Variants in TTC27 observed in about 807,000 individuals in gnomAD.
The protein encoded by TTC27 is tetratricopeptide repeat protein 27.
In TTC27, 79 loss-of-function variants were observed where a neutral mutation model predicts 115.9. That is an observed-to-expected ratio of 0.68 (90% CI 0.57 to 0.82). The LOEUF (loss-of-function observed/expected upper bound fraction) is 0.82, where lower values mean the gene tolerates loss of function less well. Among genes scored for constraint, TTC27 ranks in the 40% least tolerant of loss-of-function variants. The pLI, the probability that TTC27 is intolerant of heterozygous loss-of-function variation, is 0.00. For missense variants in TTC27, 1,054 were observed against 993.1 expected (o/e 1.06, Z -0.82); for synonymous variants, 401 against 356.0 (o/e 1.13, Z -1.42).
intron 12 of TTC27, among the ~76,000 whole-genome samples, chr2:32,752,143 C>G (rs1669041112): frequency 6.6e-6 from 1 of 152,152 alleles, no homozygotes; most frequent in African/African-American, 2.4e-5. Flanking sequence ...TCTAACCACC[C>G]CCGTTAAAAT....
chr2:32,777,769 A>G (rs1670045023), intron 13 of TTC27, 113 bp from the exon 14 acceptor site: 1 of 905,846 alleles, frequency 1.1e-6, no homozygotes, highest in Non-Finnish European at 1.7e-6. Flanking sequence ...TTTATTATAT[A>G]GCTCTGCATT....
intron 9 of TTC27, among the ~76,000 whole-genome samples, chr2:32,684,811 A>G (rs927493453): frequency 6.6e-6 from 1 of 151,804 alleles, no homozygotes; most frequent in Non-Finnish European, 1.5e-5. Context: ...CACAGTATAG[A>G]GGAACAAGCA....
At chr2:32,737,975 C>T (rs1403555244) in intron 12 of TTC27, among the ~76,000 whole-genome samples, 2 of 152,048 alleles carry the variant, frequency 1.3e-5, no homozygotes, top group African/African-American at 4.8e-5. Context: ...GTGATCATGC[C>T]ACCGCACTGC....
chr2:32,630,506 A>G lies in TTC27; in HGVS notation c.89-17A>G, dbSNP rs367767923. 5.1e-6 allele frequency: 8 copies of G among 1,571,054 alleles called. No homozygotes were observed. The African/African-American group carries it at 1.1e-4, about 22-fold the overall frequency. ...ATAATTTTTTTTGGATTACCGCACTAATTTTTTATATTACAGAGAGTGGAT... is the reference window on the plus strand; with the variant it reads ...ATAATTTTTTTTGGATTACCGCACTGATTTTTTATATTACAGAGAGTGGAT... On this transcript the variant is annotated splice_polypyrimidine_tract_variant and intron_variant, in intron 1 of 19. Transcript: ENST00000317907.
intron 9 of TTC27, among the ~76,000 whole-genome samples, chr2:32,682,026 G>A (rs1038689612): frequency 7.5e-6 from 1 of 133,890 alleles, no homozygotes; most frequent in African/African-American, 2.9e-5. Flanking sequence ...GTGTGTGTGT[G>A]TATGTCTTTT....
intron 7 of TTC27, among the ~76,000 whole-genome samples, chr2:32,670,913 C>A (rs1207730042): frequency 6.6e-6 from 1 of 152,158 alleles, no homozygotes; most frequent in Non-Finnish European, 1.5e-5. Flanking sequence ...GCCACCATGC[C>A]TGGCCTCTCT....
intron 5 of TTC27, among the ~76,000 whole-genome samples, chr2:32,659,153 A>G (rs1038502764): frequency 3.3e-5 from 5 of 151,980 alleles, no homozygotes; most frequent in Non-Finnish European, 7.4e-5. Flanking sequence ...TTTTGTTGAG[A>G]TGAGTCCACT....
At chr2:32,748,494 T>C (rs1558322990) in intron 12 of TTC27, among the ~76,000 whole-genome samples, 1 of 152,238 alleles carries the variant, frequency 6.6e-6, no homozygotes, top group East Asian at 1.9e-4. Context: ...GTGTAGTTAT[T>C]CTGTCCATTT....
intron 13 of TTC27, among the ~76,000 whole-genome samples, chr2:32,765,305 C>G (rs1427731647): frequency 2.0e-5 from 3 of 151,478 alleles, no homozygotes; most frequent in Admixed American, 2.0e-4. Flanking sequence ...TTCATCAGAG[C>G]TCTTGTGTGA....
intron 10 of TTC27, among the ~76,000 whole-genome samples, chr2:32,722,035 G>A (rs945451578): frequency 1.3e-4 from 20 of 152,250 alleles, no homozygotes; most frequent in East Asian, 9.6e-4. Context: ...TTCAATAAAC[G>A]TTGACTCTTA....
chr2:32,777,989 G>C lies in TTC27; in HGVS notation c.1779+9G>C, dbSNP rs1670055046. On this transcript the variant is annotated intron_variant, in intron 14 of 19. Transcript: ENST00000317907. ...TGACTCTAGAACCCGATGTAAGTTT[G>C]TTTGATCTTCTGTCCTTACGTGGCT... 1 of 1,613,608 alleles carries C rather than the reference G, an allele frequency of 6.2e-7. No homozygotes were observed. The highest frequency in any genetic ancestry group is 1.7e-5 in the Admixed American group (1 of 59,992).
intron 4 of TTC27, among the ~76,000 whole-genome samples, chr2:32,649,163 T>G (rs778412104): frequency 2.0e-5 from 3 of 152,056 alleles, no homozygotes; most frequent in Non-Finnish European, 4.4e-5. Context: ...AAGATCAGTA[T>G]GTGCCACACT....
At chr2:32,662,899 C>G (rs530312743) in intron 5 of TTC27, among the ~76,000 whole-genome samples, 16 of 152,180 alleles carry the variant, frequency 1.1e-4, no homozygotes, top group Non-Finnish European at 2.1e-4. Flanking sequence ...TTCCTGCTTT[C>G]TCCTATGAGC....
intron 7 of TTC27, 91 bp downstream of exon 7, chr2:32,666,859 G>C: frequency 2.2e-6 from 3 of 1,394,282 alleles, no homozygotes; most frequent in Non-Finnish European, 2.9e-6. Flanking sequence ...AATGGGTTGG[G>C]GACAGACTTC....
At chr2:32,798,873 C>G (rs955268269) in intron 16 of TTC27, among the ~76,000 whole-genome samples, 3 of 152,132 alleles carry the variant, frequency 2.0e-5, no homozygotes, top group Non-Finnish European at 2.9e-5. Flanking sequence ...TGGTCCAGCA[C>G]TTTTACTTCT....
intron 6 of TTC27, among the ~76,000 whole-genome samples, chr2:32,665,591 C>T (rs942833789): frequency 2.6e-5 from 4 of 152,208 alleles, no homozygotes; most frequent in Admixed American, 2.0e-4. Context: ...TCATCTATAG[C>T]CTTCCTATAA....
chr2:32,652,311 C>T (rs1665153421), intron 5 of TTC27, among the ~76,000 whole-genome samples: 1 of 152,006 alleles, frequency 6.6e-6, no homozygotes, highest in African/African-American at 2.4e-5. Context: ...GCGGAGGTTG[C>T]AGTGAGCTGA....
In TTC27 at chr2:32,640,369, A is replaced by G. The variant is rs1335498755; in HGVS notation, c.496A>G (p.Ile166Val). Reference sequence around the variant, plus strand: ...GCCTATACTACTGTTATTAGCACGCATTATCCTAGTGAATGTAAGACATAA... The same window carrying G: ...GCCTATACTACTGTTATTAGCACGCGTTATCCTAGTGAATGTAAGACATAA... ...SKPILLLLARIILVNVRHKLT... is the reference protein window; with the variant it reads ...SKPILLLLARVILVNVRHKLT... The change falls in exon 4 of 20, where the codon ATT becomes GTT. Residue 166 changes from isoleucine to valine, a missense_variant. Coordinates refer to ENST00000317907, the MANE Select transcript of TTC27 (RefSeq NM_017735.5). 8.1e-6 allele frequency: 13 copies of G among 1,613,912 alleles called. No individual in the cohort carries two copies. Among genetic ancestry groups the G allele is most frequent in the Admixed American group, 1.7e-5 (1 of 59,990 alleles).
intron 10 of TTC27, among the ~76,000 whole-genome samples, chr2:32,711,116 CAAAA>C (rs34140897): frequency 3.3e-5 from 2 of 59,934 alleles, no homozygotes; most frequent in African/African-American, 6.3e-5. Context: ...GACTCTGTCT[CAAAA>C]AAAAAAAAAA....
Sources: allele counts gnomAD v4.1 joint callset (sites outside exome capture counted in the v4.1 genomes callset), GRCh38; gene constraint gnomAD v4.1.1; transcripts MANE v1.5; gene names NCBI Gene and HGNC (gene_info 2026-07-23, HGNC 2026-07-21).